CTPS1: variants seen among roughly 807,000 people sequenced by gnomAD.
CTPS1 encodes CTP synthase 1, also known as CTP synthetase 1.
CTPS1 carries 25 observed loss-of-function variants against 80.5 expected under a neutral mutation model. That is an observed-to-expected ratio of 0.31 (90% CI 0.23 to 0.43). CTPS1 has a LOEUF of 0.43. Ranked by LOEUF, CTPS1 falls within the 20% of genes least tolerant of loss-of-function variation. CTPS1 has a pLI of 1.00. For synonymous variants in CTPS1, 267 were observed against 252.5 expected (o/e 1.06, Z -0.54); for missense variants, 442 against 725.7 (o/e 0.61, Z 4.49).
intron 17 of CTPS1, 60 bp downstream of exon 17, chr1:41,009,649 T>A: frequency 3.8e-6 from 6 of 1,592,192 alleles, no homozygotes; most frequent in Non-Finnish European, 5.1e-6. Context: ...AGGTGGTCGC[T>A]GATTCATTAC....
Position 40,984,951 on chromosome 1 carries a change from C to T in CTPS1, c.297C>T (p.Asn99=), listed in dbSNP as rs1553178673. The T allele has an allele frequency of 2.5e-6, 4 of 1,595,532 alleles. No individual in the cohort carries two copies. The highest frequency in any genetic ancestry group is 3.4e-6 in the Non-Finnish European group (4 of 1,167,136). ...TTGKIYQYVI[N]KERKGDYLGK... ...GAAAGATATACCAGTATGTCATTAA[C>T]AAGGAACGGAAAGGAGATTACTTGG... The change falls in exon 3 of 19, where the codon AAC becomes AAT. Residue 99 remains asparagine (N), a synonymous_variant. Coordinates refer to ENST00000650070, the MANE Select transcript of CTPS1 (RefSeq NM_001905.4).
chr1:40,992,245 C>CT (rs1265479672), intron 7 of CTPS1, among the ~76,000 whole-genome samples: 5 of 152,240 alleles, frequency 3.3e-5, no homozygotes, highest in Admixed American at 2.0e-4. Context: ...GAAGCTTTAA[C>CT]TGCCAAACCT....
In CTPS1 at chr1:40,983,474, C is replaced by T. The variant is rs1205630204; in HGVS notation, c.166+18C>T. ...TGAGCATGGTAAGCACAGTGGATTTCTTCATAATAATTGCATGTGGCAGAA... is the reference window on the plus strand; with the variant it reads ...TGAGCATGGTAAGCACAGTGGATTTTTTCATAATAATTGCATGTGGCAGAA... On this transcript the variant is annotated intron_variant, in intron 2 of 18. Coordinates refer to ENST00000650070, the MANE Select transcript of CTPS1 (RefSeq NM_001905.4). 3 of 1,581,374 alleles carry T rather than the reference C, an allele frequency of 1.9e-6. No homozygotes were observed. In the East Asian group the frequency reaches 6.8e-5, roughly 36 times the overall value.
chr1:40,991,169 G>A lies in CTPS1; in HGVS notation c.560G>A (p.Ser187Asn). The change falls in exon 6 of 19, where the codon AGT becomes AAT. Residue 187 changes from serine to asparagine, a missense_variant. Physicochemically the swap from Ser to Asn is conservative, Grantham distance 46. This residue lies in a region of CTPS1 where 27 missense variants were observed against 83.6 expected (regional missense o/e 0.32). Transcript: ENST00000650070. ...TTTTTTTCTTTTGTGAAATAGCCAA[G>A]TTCAACAGGGGAACAGAAGACTAAA... ...NIHVSLVPQP[S>N]STGEQKTKPT... The A allele has an allele frequency of 6.4e-7, 1 of 1,572,814 alleles. No homozygotes were observed. The highest frequency in any genetic ancestry group is 8.6e-7 in the Non-Finnish European group (1 of 1,166,688).
chr1:40,995,170 C>T (rs1440839546), intron 7 of CTPS1, among the ~76,000 whole-genome samples: 1 of 152,086 alleles, frequency 6.6e-6, no homozygotes, highest in African/African-American at 2.4e-5. Context: ...TTCATAGGTT[C>T]GTGGACATGA....
intron 3 of CTPS1, among the ~76,000 whole-genome samples, chr1:40,986,014 A>G (rs1452717306): frequency 6.6e-6 from 1 of 152,240 alleles, no homozygotes; most frequent in Non-Finnish European, 1.5e-5. Context: ...TTTATTCATC[A>G]TCCATCAAAT....
intron 3 of CTPS1, 101 bp from the exon 4 acceptor site, chr1:40,987,271 C>G: frequency 1.2e-6 from 1 of 839,052 alleles, no homozygotes; most frequent in Admixed American, 2.0e-5. Flanking sequence ...GCTACTCTCT[C>G]CAGGCAAAGA....
chr1:41,009,646 C>G, intron 17 of CTPS1, 57 bp downstream of exon 17: 3 of 1,593,536 alleles, frequency 1.9e-6, no homozygotes, highest in Non-Finnish European at 2.6e-6. Context: ...TTTAGGTGGT[C>G]GCTGATTCAT....
In CTPS1 at chr1:40,991,145, T is replaced by G; in HGVS notation, c.556-20T>G. On this transcript the variant is annotated intron_variant, in intron 5 of 18. Transcript: ENST00000650070. ...ATCAGAGGGAAACTAACTTTTTTTTTTTTTTCTTTTGTGAAATAGCCAAGT... is the reference window on the plus strand; with the variant it reads ...ATCAGAGGGAAACTAACTTTTTTTTGTTTTTCTTTTGTGAAATAGCCAAGT... 1 of 1,562,028 alleles carries G rather than the reference T, an allele frequency of 6.4e-7. No homozygotes were observed. The highest frequency in any genetic ancestry group is 8.6e-7 in the Non-Finnish European group (1 of 1,158,844).
intron 6 of CTPS1, 105 bp downstream of exon 6, chr1:40,991,353 T>C (rs964417955): frequency 1.4e-5 from 12 of 835,520 alleles, no homozygotes; most frequent in Admixed American, 3.0e-5. Flanking sequence ...CTTTTGATAA[T>C]TGATGATGGA....
At chr1:40,991,639 T>G (rs899930970) in intron 6 of CTPS1, 126 bp from the exon 7 acceptor site, 1 of 642,346 alleles carries the variant, frequency 1.6e-6, no homozygotes, top group African/African-American at 1.8e-5. Flanking sequence ...ATTATGTGCC[T>G]GGTGCTGAGA....
Position 40,991,243 on chromosome 1 carries a change from G to T in CTPS1, c.634G>T (p.Asp212Tyr). Reference sequence around the variant, plus strand: ...ACTTAGAGGACTTGGGCTTTCCCCAGATCTGGTAAGATTTCCTGATAGCTG... The same window carrying T: ...ACTTAGAGGACTTGGGCTTTCCCCATATCTGGTAAGATTTCCTGATAGCTG... ...RELRGLGLSP[D>Y]LVVCRCSNPL... Residue 212 changes from aspartate (D) to tyrosine (Y), a missense_variant, in exon 6 of 19, where the codon GAT (aspartate) becomes TAT (tyrosine). This residue lies in a region of CTPS1 where 321 missense variants were observed against 467.2 expected (regional missense o/e 0.69). Coordinates refer to ENST00000650070, the MANE Select transcript of CTPS1 (RefSeq NM_001905.4). 6.3e-7 allele frequency: 1 copy of T among 1,581,206 alleles called. No individual in the cohort carries two copies. Among genetic ancestry groups the T allele is most frequent in the Non-Finnish European group, 8.5e-7 (1 of 1,170,868 alleles).
chr1:41,003,105 G>A lies in CTPS1; in HGVS notation c.1190-9G>A, dbSNP rs776753946. 1.3e-5 allele frequency: 21 copies of A among 1,613,888 alleles called. No homozygotes were observed. Among genetic ancestry groups the A allele is most frequent in the South Asian group, 1.1e-4 (10 of 91,068 alleles). Reference sequence around the variant, plus strand: ...GGAGTTTTGTTTGTTTTTTCCCCCCGACTGGAAGGCGTGTGCTTAGGGATG... The same window carrying A: ...GGAGTTTTGTTTGTTTTTTCCCCCCAACTGGAAGGCGTGTGCTTAGGGATG... On this transcript the variant is annotated splice_polypyrimidine_tract_variant and intron_variant, in intron 11 of 18. Coordinates refer to ENST00000650070, the MANE Select transcript of CTPS1 (RefSeq NM_001905.4).
intron 11 of CTPS1, among the ~76,000 whole-genome samples, chr1:41,002,739 T>C (rs1036016261): frequency 1.1e-4 from 16 of 152,120 alleles, no homozygotes; most frequent in Non-Finnish European, 2.1e-4. Flanking sequence ...CCAACACTTG[T>C]GGAGGCTGAG....
chr1:40,991,180 G>C lies in CTPS1; in HGVS notation c.571G>C (p.Glu191Gln). Residue 191 changes from glutamate to glutamine, a missense_variant, in exon 6 of 19, where the codon GAA becomes CAA. Physicochemically the swap from Glu to Gln is conservative, Grantham distance 29 (BLOSUM62 2). This residue lies in a region of CTPS1 where 27 missense variants were observed against 83.6 expected (regional missense o/e 0.32). Coordinates refer to ENST00000650070, the MANE Select transcript of CTPS1 (RefSeq NM_001905.4). ...TGTGAAATAGCCAAGTTCAACAGGG[G>C]AACAGAAGACTAAACCTACCCAGAA... is the stretch of plus-strand genomic sequence containing the variant. ...SLVPQPSSTG[E>Q]QKTKPTQNSV... is the part of the protein sequence containing the mutation. 1 of 1,587,666 alleles carries C rather than the reference G, an allele frequency of 6.3e-7. No homozygotes were observed. The highest frequency in any genetic ancestry group is 8.5e-7 in the Non-Finnish European group (1 of 1,173,144).
rs961003179 is a variant in CTPS1 at position 41,007,202 on chromosome 1, G to A, written c.1297-247G>A. Among the ~76,000 whole-genome samples, 2 of 152,232 alleles carry A rather than the reference G, an allele frequency of 1.3e-5. No homozygotes were observed. Among genetic ancestry groups the A allele is most frequent in the African/African-American group, 4.8e-5 (2 of 41,460 alleles). On this transcript the variant is annotated intron_variant, in intron 13 of 18. Transcript: ENST00000650070. This position sits in a 1 kb window ranked among gnomAD's most constrained non-coding sequence, Gnocchi z 4.4. ...CGTCCACAGTGCTGGGGCGGGACTA[G>A]CCTGAGGAGGGGCTGCTGTGGTCCT...
chr1:41,010,409 A>C (rs1643142795), intron 18 of CTPS1, among the ~76,000 whole-genome samples, 155 bp downstream of exon 18: 2 of 152,210 alleles, frequency 1.3e-5, no homozygotes, highest in African/African-American at 4.8e-5. Flanking sequence ...GAGAGAAAAG[A>C]AAGTAGTGAG....
intron 11 of CTPS1, 60 bp from the exon 12 acceptor site, chr1:41,003,054 G>C (rs1242318684): frequency 1.3e-6 from 2 of 1,561,870 alleles, no homozygotes; most frequent in Non-Finnish European, 1.8e-6. Flanking sequence ...GAGGCTGCTG[G>C]GAAAAGTAGG....
At chr1:40,992,027 C>CT (rs1273093412) in intron 7 of CTPS1, among the ~76,000 whole-genome samples, 182 bp downstream of exon 7, 1 of 152,212 alleles carries the variant, frequency 6.6e-6, no homozygotes, top group African/African-American at 2.4e-5. Flanking sequence ...TGTGTCCCTC[C>CT]TGCCTCTTCT....
Sources: gnomAD v4.1 joint callset for allele counts (sites outside exome capture counted in the v4.1 genomes callset) on GRCh38, gnomAD v4.1.1 for gene constraint, gnomAD v4.1.1 regional missense constraint, Gnocchi (gnomAD v3.1) non-coding constraint, MANE v1.5 for transcripts, NCBI Gene and HGNC (gene_info 2026-07-23, HGNC 2026-07-21) for gene names.